ZMAT4: variants seen among roughly 807,000 people sequenced by gnomAD.
ZMAT4 encodes zinc finger matrin-type 4, also known as zinc finger matrin-type protein 4.
Under a neutral mutation model 28.7 loss-of-function variants are expected in ZMAT4, and 17 were observed. The observed-to-expected ratio is 0.59, with a 90% CI of 0.41 to 0.89. The LOEUF (loss-of-function observed/expected upper bound fraction) is 0.89, where lower values mean the gene tolerates loss of function less well. Among genes scored for constraint, ZMAT4 ranks in the 40% least tolerant of loss-of-function variants. ZMAT4 has a pLI of 0.00. For missense variants in ZMAT4, 240 were observed against 283.8 expected (o/e 0.85, Z 1.11); for synonymous variants, 117 against 109.2 (o/e 1.07, Z -0.44).
intron 2 of ZMAT4, among the ~76,000 whole-genome samples, chr8:40,776,327 G>A (rs1813594765): frequency 6.6e-6 from 1 of 152,192 alleles, no homozygotes; most frequent in Admixed American, 6.5e-5. Flanking sequence ...AATTTTTGCT[G>A]GAGAAAAAAA....
intron 4 of ZMAT4, among the ~76,000 whole-genome samples, chr8:40,694,908 C>A (rs1316584404): frequency 1.3e-5 from 2 of 152,178 alleles, no homozygotes; most frequent in Admixed American, 1.3e-4. Flanking sequence ...ATCTGTTTGA[C>A]CTTGCTGGAG....
At chr8:40,556,013 C>T (rs757327369) in intron 6 of ZMAT4, among the ~76,000 whole-genome samples, 17 of 152,266 alleles carry the variant, frequency 1.1e-4, no homozygotes, top group Non-Finnish European at 2.2e-4. Context: ...AATGGTCCCC[C>T]ACCTTAAAAC....
At chr8:40,852,586 T>G (rs1455720917) in intron 1 of ZMAT4, among the ~76,000 whole-genome samples, 1 of 152,234 alleles carries the variant, frequency 6.6e-6, no homozygotes, top group Non-Finnish European at 1.5e-5. Flanking sequence ...TTGTTTGTTT[T>G]TTCACCAAAA....
At chr8:40,877,313 T>C (rs1023247605) in intron 1 of ZMAT4, among the ~76,000 whole-genome samples, 5 of 152,226 alleles carry the variant, frequency 3.3e-5, no homozygotes, top group Non-Finnish European at 7.3e-5. Flanking sequence ...CACCCTGGTA[T>C]GCGGTACTTC....
intron 1 of ZMAT4, among the ~76,000 whole-genome samples, chr8:40,868,720 G>A (rs1817755655): frequency 6.6e-6 from 1 of 152,192 alleles, no homozygotes; most frequent in Admixed American, 6.5e-5. Context: ...AGCTGACTGG[G>A]TGATCTCTAA....
intron 1 of ZMAT4, among the ~76,000 whole-genome samples, chr8:40,836,341 G>T (rs905316484): frequency 6.6e-6 from 1 of 152,100 alleles, no homozygotes; most frequent in Non-Finnish European, 1.5e-5. Context: ...ATTTTCACAG[G>T]AGGATAAGCT....
rs188864807 is a variant in ZMAT4 at position 40,771,842 on chromosome 8, G to A, written c.103-4112C>T. Among the ~76,000 whole-genome samples the A allele has an allele frequency of 2.1e-3, 326 of 152,260 alleles. 2 individuals carry two copies. The highest frequency in any genetic ancestry group is 7.3e-3 in the African/African-American group (305 of 41,558). On this transcript the variant is annotated intron_variant, in intron 2 of 6. Transcript: ENST00000297737. ...AGCTACATCTGAAACTGGCTCTTAC[G>A]TCATCCAAATAAACACAAGCAAAAA...
At chr8:40,565,764 T>A (rs895673826) in intron 6 of ZMAT4, among the ~76,000 whole-genome samples, 1 of 151,576 alleles carries the variant, frequency 6.6e-6, no homozygotes, top group East Asian at 2.0e-4. Flanking sequence ...CTACCTTTTT[T>A]TTTTTTTTTA....
intron 5 of ZMAT4, among the ~76,000 whole-genome samples, chr8:40,664,555 G>A (rs1476688969): frequency 6.6e-6 from 1 of 152,206 alleles, no homozygotes; most frequent in South Asian, 2.1e-4. Flanking sequence ...AATGCAATGA[G>A]CTGGCTTTAG....
intron 6 of ZMAT4, among the ~76,000 whole-genome samples, chr8:40,558,121 G>A (rs72636920): frequency 0.04 from 6,030 of 152,168 alleles, 146 homozygotes; most frequent in South Asian, 0.093. Context: ...AAAGAAGGCC[G>A]GCCAGGCTGC....
intron 1 of ZMAT4, chr8:40,888,532 T>C (rs1818552068): frequency 1.3e-5 from 2 of 152,474 alleles, no homozygotes; most frequent in South Asian, 4.1e-4. Flanking sequence ...AATTAGCCTG[T>C]GAACGGTCCA....
At chr8:40,698,676 C>T (rs889585154) in intron 3 of ZMAT4, among the ~76,000 whole-genome samples, 2 of 152,176 alleles carry the variant, frequency 1.3e-5, no homozygotes, top group African/African-American at 4.8e-5. Context: ...GAGAGTGTTG[C>T]CTTGCAAATT....
At chr8:40,583,210 GT>G (rs1804550820) in intron 5 of ZMAT4, among the ~76,000 whole-genome samples, 1 of 152,144 alleles carries the variant, frequency 6.6e-6, no homozygotes, top group Admixed American at 6.5e-5. Flanking sequence ...ATTGGACTCT[GT>G]CATCACCTGC....
At chr8:40,647,279 G>C (rs1455525752) in intron 5 of ZMAT4, among the ~76,000 whole-genome samples, 1 of 152,220 alleles carries the variant, frequency 6.6e-6, no homozygotes, top group Non-Finnish European at 1.5e-5. Context: ...CAAAGGGTCA[G>C]GGAGTTCCCT....
intron 1 of ZMAT4, among the ~76,000 whole-genome samples, chr8:40,879,816 T>C (rs754500668): frequency 6.6e-6 from 1 of 152,242 alleles, no homozygotes; most frequent in Non-Finnish European, 1.5e-5. Context: ...ATTAGCCAGT[T>C]TGAAGATATT....
intron 3 of ZMAT4, among the ~76,000 whole-genome samples, chr8:40,728,434 A>G (rs1194132689): frequency 3.3e-5 from 5 of 152,200 alleles, no homozygotes; most frequent in Admixed American, 6.5e-5. Flanking sequence ...GCATTCAGCT[A>G]TAGCAGTTTC....
chr8:40,666,734 C>T (rs1357007605), intron 5 of ZMAT4, among the ~76,000 whole-genome samples: 4 of 152,022 alleles, frequency 2.6e-5, no homozygotes, highest in Non-Finnish European at 5.9e-5. Context: ...GGTTAAACAA[C>T]ACAAAATTTA....
chr8:40,882,902 G>T (rs1203837126), intron 1 of ZMAT4, among the ~76,000 whole-genome samples: 1 of 152,090 alleles, frequency 6.6e-6, no homozygotes, highest in African/African-American at 2.4e-5. Flanking sequence ...GTGAAGAAAA[G>T]ATGTGTGAGT....
rs566002848 is a variant in ZMAT4 at position 40,566,123 on chromosome 8, A to G, written c.674+15042T>C. The stretch of plus-strand genomic sequence containing the variant: ...TTAATAAATATTTGCTAAACTATTG[A>G]CCAAATCAAGGAAAGTTCTGATGTT... On this transcript the variant is annotated intron_variant, in intron 6 of 6. Transcript: ENST00000297737. 5.9e-5 allele frequency among the ~76,000 whole-genome samples: 9 copies of G among 152,268 alleles called. No individual in the cohort carries two copies. The South Asian group carries it at 6.2e-4, about 11-fold the overall frequency.
Sources: gnomAD v4.1 joint callset for allele counts (sites outside exome capture counted in the v4.1 genomes callset) on GRCh38, gnomAD v4.1.1 for gene constraint, MANE v1.5 for transcripts, NCBI Gene and HGNC (gene_info 2026-07-23, HGNC 2026-07-21) for gene names.